The following OTOP1 variants were observed in gnomAD, a reference collection of about 807,000 sequenced individuals.
The protein encoded by OTOP1 is otopetrin 1, also known as proton channel OTOP1.
Under a neutral mutation model 52.9 loss-of-function variants are expected in OTOP1, and 59 were observed. The ratio of observed to expected loss-of-function variants is 1.12; its 90% CI spans 0.91 to 1.39. OTOP1 has a LOEUF of 1.39. OTOP1 is among the 40% of genes most tolerant of loss of function. The probability of loss-of-function intolerance (pLI) is 0.00; values close to 1 mark genes in which losing one functional copy is unlikely to be tolerated. For missense variants in OTOP1, 761 were observed against 800.9 expected (o/e 0.95, Z 0.60); for synonymous variants, 317 against 337.7 (o/e 0.94, Z 0.67).
chr4:4,199,927 C>T (rs1375356966), intron 4 of OTOP1, among the ~76,000 whole-genome samples: 2 of 152,090 alleles, frequency 1.3e-5, no homozygotes, highest in Non-Finnish European at 2.9e-5. Flanking sequence ...TTGGAAGCGT[C>T]TCTGATATAG....
chr4:4,210,933 C>T (rs1009089686), intron 2 of OTOP1, among the ~76,000 whole-genome samples: 3 of 152,316 alleles, frequency 2.0e-5, no homozygotes, highest in Middle Eastern at 3.4e-3. Flanking sequence ...CAAATACAGT[C>T]ACATGCTCAG....
intron 1 of OTOP1, among the ~76,000 whole-genome samples, chr4:4,221,349 A>G (rs542116805): frequency 6.6e-6 from 1 of 152,254 alleles, no homozygotes; most frequent in South Asian, 2.1e-4. Flanking sequence ...CTTGAGCCCC[A>G]GAATTTGAGG....
rs1311893476 is a variant in OTOP1 at position 4,197,385 on chromosome 4, A to G, written c.1449T>C (p.Gly483=). 3.1e-6 allele frequency: 5 copies of G among 1,613,230 alleles called. No individual in the cohort carries two copies. In the African/African-American group the frequency reaches 6.7e-5, roughly 22 times the overall value. The change falls in exon 5 of 6, where the codon GGT becomes GGC. Residue 483 remains glycine (G), a synonymous_variant. Transcript: ENST00000296358. The part of the protein sequence containing the change: ...PLASSCPKSG[G]VARDVAPQGK... ...CCTGGGGAGCCACATCTCTGGCCAC[A>G]CCTCCACTCTTGGGGCAGGAAGAAG... is the stretch of plus-strand genomic sequence containing the variant.
rs770481456 is a variant in OTOP1 at position 4,197,852 on chromosome 4, C to T, written c.982G>A (p.Val328Met). The change falls in exon 5 of 6, where the codon GTG becomes ATG. Residue 328 changes from valine to methionine, a missense_variant. Val to Met is a conservative substitution (Grantham distance 21, BLOSUM62 1). This residue lies in a region of OTOP1 where 632 missense variants were observed against 619.5 expected (regional missense o/e 1.02). Transcript: ENST00000296358. ...ATATGAATCAGGTATACCACCACCA[C>T]AGCAATGGTGGCGGCCAGCACGGTC... ...GLTVLAATIAVVVVYLIHIGR... is the reference protein window; with the variant it reads ...GLTVLAATIAMVVVYLIHIGR... 2 of 1,614,108 alleles carry T rather than the reference C, an allele frequency of 1.2e-6. No individual in the cohort carries two copies. Among genetic ancestry groups the T allele is most frequent in the Non-Finnish European group, 8.5e-7 (1 of 1,180,014 alleles).
intron 2 of OTOP1, 33 bp from the exon 3 acceptor site, chr4:4,206,163 G>A (rs193143974): frequency 1.4e-5 from 21 of 1,522,000 alleles, no homozygotes; most frequent in East Asian, 4.5e-5. Context: ...AAGAAAAATC[G>A]GTGAGACACT....
rs756830668 is a variant in OTOP1, at chr4:4,226,437, C to G, written c.403+25G>C. On this transcript the variant is annotated intron_variant, in intron 1 of 5. Transcript: ENST00000296358. ...AGCCAGCGGGCGAGGAGGCGGAGAC[C>G]CGCTCGCCCGGCGCCTGGACTCACC... 2.8e-6 allele frequency: 4 copies of G among 1,408,470 alleles called. No individual in the cohort carries two copies. The East Asian group carries it at 1.2e-4, about 42-fold the overall frequency. 87.2% of individuals were successfully genotyped at this position (1,408,470 alleles called of 1,614,324 possible).
Position 4,226,534 on chromosome 4 carries a change from C to G in OTOP1, c.331G>C (p.Val111Leu), listed in dbSNP as rs1717439172. 5 of 1,601,304 alleles carry G rather than the reference C, an allele frequency of 3.1e-6. No individual in the cohort carries two copies. Among genetic ancestry groups the G allele is most frequent in the Non-Finnish European group, 4.2e-6 (5 of 1,177,910 alleles). The part of the protein sequence containing the change: ...LLQLLWMLWY[V>L]GRSSAHRRLF... ...CGGCGGTGCGCGGAGCTGCGGCCCA[C>G]GTACCACAGCATCCACAGCAGCTGC... Residue 111 changes from valine to leucine, a missense_variant, in exon 1 of 6, where the codon GTG becomes CTG. Physicochemically the swap from Val to Leu is conservative, Grantham distance 32. This residue lies in a region of OTOP1 where 56 missense variants were observed against 105.6 expected (regional missense o/e 0.53). Transcript: ENST00000296358.
intron 1 of OTOP1, among the ~76,000 whole-genome samples, chr4:4,225,354 G>A (rs1275644930): frequency 2.0e-5 from 3 of 152,174 alleles, no homozygotes; most frequent in African/African-American, 7.2e-5. Context: ...AGGATCCCTG[G>A]AGGCCAGGAG....
chr4:4,190,016 G>A (rs539118569), intron 5 of OTOP1, among the ~76,000 whole-genome samples: 18 of 152,326 alleles, frequency 1.2e-4, no homozygotes, highest in African/African-American at 4.1e-4. Context: ...AATGTACTTT[G>A]TTTTAAGTTG....
chr4:4,226,617 T>C lies in OTOP1; in HGVS notation c.248A>G (p.His83Arg). 6.3e-7 allele frequency: 1 copy of C among 1,597,846 alleles called. No homozygotes were observed. The highest frequency in any genetic ancestry group is 8.5e-7 in the Non-Finnish European group (1 of 1,176,168). Reference sequence around the variant, plus strand: ...GTCGCTCTTGCTCACGCCCGCGGCGTGCACGGCCCAGGCCAGCAGCAGCAG... The same window carrying C: ...GTCGCTCTTGCTCACGCCCGCGGCGCGCACGGCCCAGGCCAGCAGCAGCAG... ...GLLLLLAWAV[H>R]AAGVSKSDLL... The change falls in exon 1 of 6, where the codon CAC becomes CGC. Residue 83 changes from histidine (H) to arginine (R), a missense_variant. By Grantham distance (29) the His-to-Arg change is conservative. Transcript: ENST00000296358.
chr4:4,214,048 C>T (rs1346169746), intron 1 of OTOP1, among the ~76,000 whole-genome samples: 1 of 152,172 alleles, frequency 6.6e-6, no homozygotes, highest in Non-Finnish European at 1.5e-5. Flanking sequence ...TGAGATCATG[C>T]CATTGCACTC....
chr4:4,207,905 A>C (rs1404631053), intron 2 of OTOP1, among the ~76,000 whole-genome samples: 1 of 152,264 alleles, frequency 6.6e-6, no homozygotes, highest in Non-Finnish European at 1.5e-5. Context: ...CTGGGAAACA[A>C]GGAAGAAATT....
intron 5 of OTOP1, among the ~76,000 whole-genome samples, chr4:4,196,912 T>C (rs956448196): frequency 1.3e-5 from 2 of 152,102 alleles, no homozygotes; most frequent in African/African-American, 4.8e-5. Context: ...AGCTTAACAT[T>C]GGGTACTCAT....
chr4:4,204,576 T>C (rs568921830), intron 3 of OTOP1, among the ~76,000 whole-genome samples: 1 of 152,230 alleles, frequency 6.6e-6, no homozygotes, highest in Non-Finnish European at 1.5e-5. Context: ...GATGTGGAAA[T>C]GGTCCACAAA....
intron 5 of OTOP1, among the ~76,000 whole-genome samples, chr4:4,193,491 G>A (rs1716556984): frequency 2.0e-5 from 3 of 152,174 alleles, no homozygotes; most frequent in Admixed American, 2.0e-4. Flanking sequence ...ACTGGCTCCC[G>A]ATGCTGGAGA....
At chr4:4,221,783 T>C (rs763308782) in intron 1 of OTOP1, among the ~76,000 whole-genome samples, 7 of 152,126 alleles carry the variant, frequency 4.6e-5, no homozygotes, top group Non-Finnish European at 8.8e-5. Flanking sequence ...CACACCCAGC[T>C]TTTTGTATTT....
chr4:4,192,619 C>T (rs1716536976), intron 5 of OTOP1, among the ~76,000 whole-genome samples: 1 of 152,184 alleles, frequency 6.6e-6, no homozygotes. Flanking sequence ...GACCTCCACC[C>T]ACTGCTCCCA....
At position 4,204,930 on chromosome 4, in the gene OTOP1, A is replaced by G. The variant is rs367581828; in HGVS notation, c.599+1142T>C. Among the ~76,000 whole-genome samples the G allele has an allele frequency of 1.2e-4, 18 of 152,002 alleles. 1 individual carries two copies. The East Asian group carries it at 2.9e-3, about 25-fold the overall frequency. On this transcript the variant is annotated intron_variant, in intron 3 of 5. Transcript: ENST00000296358. ...GGACTACAGGCGCCCACCACCACAC[A>G]CAGCTAATTTTTTTTGTATTTTTAG...
intron 1 of OTOP1, among the ~76,000 whole-genome samples, chr4:4,220,181 T>A (rs2920235): frequency 2.1e-5 from 3 of 143,702 alleles, no homozygotes; most frequent in African/African-American, 7.8e-5. Context: ...CTGCCCACTG[T>A]GACCTCCACC....
Sources: allele counts gnomAD v4.1 joint callset (sites outside exome capture counted in the v4.1 genomes callset), GRCh38; gene constraint gnomAD v4.1.1; regional missense constraint gnomAD v4.1.1; transcripts MANE v1.5; gene names NCBI Gene and HGNC (gene_info 2026-07-23, HGNC 2026-07-21).